Variants in WTIP observed in about 807,000 individuals in gnomAD.
The protein encoded by WTIP is WT1 interacting protein.
In WTIP, 23 loss-of-function variants were observed where a neutral mutation model predicts 41.7. That is an observed-to-expected ratio of 0.55 (90% confidence interval 0.40 to 0.78). WTIP has a LOEUF of 0.78. Ranked by LOEUF, WTIP falls within the 30% of genes least tolerant of loss-of-function variation. The pLI is 0.00. For synonymous variants in WTIP, 314 were observed against 269.9 expected (o/e 1.16, Z -1.60); for missense variants, 619 against 610.5 (o/e 1.01, Z -0.15).
chr19:34,482,110 G>A lies in WTIP; in HGVS notation c.136G>A (p.Ala46Thr). ...GPRPGPGDEA[A>T]PALGRRGKGS... Reference sequence around the variant, plus strand: ...GCGGCCTGGGCCTGGAGACGAGGCGGCGCCCGCGCTGGGCCGCAGAGGGAA... The same window carrying A: ...GCGGCCTGGGCCTGGAGACGAGGCGACGCCCGCGCTGGGCCGCAGAGGGAA... The change falls in exon 1 of 8, where the codon GCG (alanine) becomes ACG (threonine). Residue 46 changes from alanine to threonine, a missense_variant. Coordinates refer to ENST00000590071, the MANE Select transcript of WTIP (RefSeq NM_001080436.2). 9.6e-7 allele frequency: 1 copy of A among 1,045,368 alleles called. No homozygotes were observed. The highest frequency in any genetic ancestry group is 1.1e-6 in the Non-Finnish European group (1 of 870,336). 64.8% of individuals were successfully genotyped at this position (1,045,368 alleles called of 1,614,324 possible).
At chr19:34,492,667 C>T (rs1202451957) in intron 2 of WTIP, among the ~76,000 whole-genome samples, 1 of 135,524 alleles carries the variant, frequency 7.4e-6, no homozygotes, top group Non-Finnish European at 1.5e-5. Flanking sequence ...CCAGCCTGGG[C>T]GACACAGTGA....
intron 6 of WTIP, 75 bp from the exon 7 acceptor site, chr19:34,495,628 T>C (rs979633347): frequency 6.6e-7 from 1 of 1,525,662 alleles, no homozygotes. Flanking sequence ...GCGTGGTGTG[T>C]GGGAGTGTAC....
rs1599958343 is a variant in WTIP, at chr19:34,493,768, G to T, written c.1031+146G>T. The T allele has an allele frequency of 8.6e-7, 1 of 1,162,194 alleles. No homozygotes were observed. Among genetic ancestry groups the T allele is most frequent in the East Asian group, 2.4e-5 (1 of 41,446 alleles). 72.0% of individuals were successfully genotyped at this position (1,162,194 alleles called of 1,614,324 possible). ...CCTTGTACACCTGGGCTTGGGGCAG[G>T]CATGTGTCTCTGCCTGCATCCCCTC... On this transcript the variant is annotated intron_variant, in intron 5 of 7. Coordinates refer to ENST00000590071, the MANE Select transcript of WTIP (RefSeq NM_001080436.2). This position sits in a 1 kb window ranked among gnomAD's most constrained non-coding sequence, Gnocchi z 4.1.
chr19:34,483,917 C>CTTTTTTTT (rs61308943), intron 1 of WTIP, among the ~76,000 whole-genome samples: 1 of 66,868 alleles, frequency 1.5e-5, no homozygotes. Context: ...TGAACTGGAT[C>CTTTTTTTT]TTTTTTTTTT....
chr19:34,498,287 G>A (rs1256267063), intron 7 of WTIP, among the ~76,000 whole-genome samples: 3 of 151,090 alleles, frequency 2.0e-5, no homozygotes, highest in African/African-American at 7.4e-5. Flanking sequence ...TCTCACCATT[G>A]CCTCTTCAGA....
chr19:34,502,873 A>AG lies in WTIP; in HGVS notation c.*2604_*2605insG. The stretch of plus-strand genomic sequence containing the variant: ...CTGGCCTGGGCTCCTTTGCCTTCTA[A>AG]CTGGTCAGTTGCAAAGCTGTCCTCT... On this transcript the variant is annotated 3_prime_UTR_variant, in exon 8 of 8. Coordinates refer to ENST00000590071, the MANE Select transcript of WTIP (RefSeq NM_001080436.2). The AG allele has an allele frequency of 6.6e-6, 1 of 152,296 alleles. No homozygotes were observed. Among genetic ancestry groups the AG allele is most frequent in the Middle Eastern group, 3.4e-3 (1 of 296 alleles). The allele number at this position is 152,296 out of a possible 1,614,324, so 9.4% of individuals were successfully genotyped here. A position where few individuals can be genotyped will look rare whatever the true frequency, so the allele number is the denominator to read the frequency against.
Position 34,490,436 on chromosome 19 carries a change from G to A in WTIP, c.728G>A (p.Gly243Glu), listed in dbSNP as rs760083133. 6.2e-7 allele frequency: 1 copy of A among 1,613,976 alleles called. No homozygotes were observed. The highest frequency in any genetic ancestry group is 8.5e-7 in the Non-Finnish European group (1 of 1,179,884). Residue 243 changes from glycine to glutamate, a missense_variant, in exon 2 of 8, where the codon GGG (glycine) becomes GAG (glutamate). By Grantham distance (98) the Gly-to-Glu change is moderately conservative. Around this residue, in one of 3 missense-constraint regions of WTIP, gnomAD observed 164 missense variants for 219.1 expected, o/e 0.75. Transcript: ENST00000590071. ...YGAQQACQAM[G>E]SLYHTDCFTC... ...GCCCAGCAGGCGTGCCAGGCAATGG[G>A]GAGTCTTTATCACACTGACTGCTTC... is the stretch of plus-strand genomic sequence containing the variant.
intron 1 of WTIP, among the ~76,000 whole-genome samples, chr19:34,487,965 C>G (rs975021947): frequency 2.0e-5 from 3 of 152,200 alleles, no homozygotes; most frequent in African/African-American, 7.2e-5. Flanking sequence ...CTGGTCACCC[C>G]TCTCCTTTCC....
Position 34,500,122 on chromosome 19 carries a change from T to C in WTIP, c.1153-7T>C, listed in dbSNP as rs2075876640. 2 of 1,599,012 alleles carry C rather than the reference T, an allele frequency of 1.3e-6. No individual in the cohort carries two copies. Among genetic ancestry groups the C allele is most frequent in the East Asian group, 2.2e-5 (1 of 44,860 alleles). On this transcript the variant is annotated splice_polypyrimidine_tract_variant and splice_region_variant and intron_variant, in intron 7 of 7. Coordinates refer to ENST00000590071, the MANE Select transcript of WTIP (RefSeq NM_001080436.2). ...ACTCTGGGGCTGGGGGCTGTGTTCT[T>C]CCCTAGGACTGCGGGCTGCAGCTGA... is the stretch of plus-strand genomic sequence containing the variant.
In WTIP at chr19:34,510,100, C is replaced by T. The variant is rs1028371014; in HGVS notation, c.*9831C>T. The T allele has an allele frequency of 6.6e-6, 1 of 152,200 alleles. No individual in the cohort carries two copies. The highest frequency in any genetic ancestry group is 2.4e-5 in the African/African-American group (1 of 41,448). 9.4% of individuals were successfully genotyped at this position (152,200 alleles called of 1,614,324 possible). A position where few individuals can be genotyped will look rare whatever the true frequency, so the allele number is the denominator to read the frequency against. On this transcript the variant is annotated 3_prime_UTR_variant, in exon 8 of 8. Transcript: ENST00000590071. ...ATGTTTGGAGGATGGTGGCCTTCTT[C>T]TTACAGCTCTACTAGGCAGTACCCC...
intron 7 of WTIP, chr19:34,498,698 A>T (rs1384073164): frequency 6.9e-6 from 1 of 145,620 alleles, no homozygotes; most frequent in East Asian, 2.1e-4. Context: ...CAGGAGATCG[A>T]GACCATCCTG....
intron 7 of WTIP, 106 bp downstream of exon 7, chr19:34,495,877 C>T (rs955854221): frequency 3.8e-5 from 44 of 1,166,978 alleles, no homozygotes; most frequent in Non-Finnish European, 5.0e-5. Context: ...TTTAGTTTTG[C>T]CAGGCTCGGT....
chr19:34,491,835 G>A (rs575877827), intron 2 of WTIP, among the ~76,000 whole-genome samples: 1 of 150,236 alleles, frequency 6.7e-6, no homozygotes, highest in African/African-American at 2.5e-5. Context: ...TAGTAGAGAT[G>A]TGGTTTCATA....
At chr19:34,494,679 G>T (rs767649919) in intron 6 of WTIP, 42 bp downstream of exon 6, 1 of 1,600,766 alleles carries the variant, frequency 6.2e-7, no homozygotes, top group East Asian at 2.2e-5. Context: ...GCCTGGCCCA[G>T]CCGGCTGCTG....
chr19:34,482,838 C>A, intron 1 of WTIP, 197 bp downstream of exon 1: 1 of 964,198 alleles, frequency 1.0e-6, no homozygotes, highest in Non-Finnish European at 1.2e-6. Context: ...GCGCCTGGAT[C>A]CCCAGCAGCG....
rs1263117003 is a variant in WTIP, at chr19:34,493,791, C to T, written c.1031+169C>T. On this transcript the variant is annotated intron_variant, in intron 5 of 7. Transcript: ENST00000590071. The surrounding 1 kb of genome is among the most constrained non-coding windows in gnomAD (Gnocchi z 4.1). The stretch of plus-strand genomic sequence containing the variant: ...AGGCATGTGTCTCTGCCTGCATCCC[C>T]TCTCCTGGTGGTCCGGCCACCAGCT... Among the ~76,000 whole-genome samples the T allele has an allele frequency of 6.6e-6, 1 of 152,106 alleles. No individual in the cohort carries two copies. Among genetic ancestry groups the T allele is most frequent in the Non-Finnish European group, 1.5e-5 (1 of 68,010 alleles).
chr19:34,492,654 A>T (rs2075831418), intron 2 of WTIP, among the ~76,000 whole-genome samples: 1 of 145,990 alleles, frequency 6.8e-6, no homozygotes, highest in African/African-American at 2.6e-5. Context: ...ACGCCACTGC[A>T]CTCCAGCCTG....
chr19:34,488,715 G>A (rs1405642149), intron 1 of WTIP, among the ~76,000 whole-genome samples: 2 of 151,738 alleles, frequency 1.3e-5, no homozygotes, highest in Admixed American at 6.6e-5. Context: ...CCTGGTGAGT[G>A]AGGCTTCTGT....
chr19:34,499,733 G>C (rs963296308), intron 7 of WTIP, among the ~76,000 whole-genome samples: 3 of 149,030 alleles, frequency 2.0e-5, no homozygotes, highest in African/African-American at 7.4e-5. Flanking sequence ...GAGTTTCGCT[G>C]TTGTCACCCA....
Sources: gnomAD v4.1 joint callset for allele counts (sites outside exome capture counted in the v4.1 genomes callset) on GRCh38, gnomAD v4.1.1 for gene constraint, gnomAD v4.1.1 regional missense constraint, Gnocchi (gnomAD v3.1) non-coding constraint, MANE v1.5 for transcripts, NCBI Gene and HGNC (gene_info 2026-07-23, HGNC 2026-07-21) for gene names.